DOCK10: variants seen among roughly 807,000 people sequenced by gnomAD.
DOCK10 encodes the protein dedicator of cytokinesis 10, also known as dedicator of cytokinesis protein 10.
A neutral mutation model predicts 280.1 loss-of-function variants in DOCK10; 145 were observed. The observed-to-expected ratio is 0.52, with a 90% CI of 0.45 to 0.59. The LOEUF is 0.59. Ranked by LOEUF, DOCK10 falls within the 20% of genes least tolerant of loss-of-function variation. DOCK10 has a pLI of 0.00. For missense variants in DOCK10, 2,368 were observed against 2,651.7 expected, an observed-to-expected ratio of 0.89 and a Z score of 2.35; for synonymous variants, 915 against 942.2, an observed-to-expected ratio of 0.97 and a Z score of 0.53.
chr2:224,808,414 G>A (rs556338375), intron 31 of DOCK10, among the ~76,000 whole-genome samples: 1 of 152,266 alleles, frequency 6.6e-6, no homozygotes, highest in South Asian at 2.1e-4. Context: ...TATGTTATAA[G>A]TAGGAATCCA....
rs535428861 is a variant in DOCK10 at position 224,765,751 on chromosome 2, C to T, written c.6531G>A (p.Thr2177=). The change falls in exon 56 of 56, where the codon ACG becomes ACA. Residue 2177 remains threonine (T), a synonymous_variant. Transcript: ENST00000258390. ...VISKATPALP[T]VSISSSAEV ...CTTCAGCACTAGATGAGATGGAGACCGTGGGTAGGGCCGGAGTTGCTTTGC... is the reference window on the plus strand; with the variant it reads ...CTTCAGCACTAGATGAGATGGAGACTGTGGGTAGGGCCGGAGTTGCTTTGC... 13 of 1,613,748 alleles carry T rather than the reference C, an allele frequency of 8.1e-6. No individual in the cohort carries two copies. Among genetic ancestry groups the T allele is most frequent in the East Asian group, 6.7e-5 (3 of 44,866 alleles).
chr2:224,821,524 CT>C (rs373539554), intron 28 of DOCK10, among the ~76,000 whole-genome samples: 110 of 151,986 alleles, frequency 7.2e-4, no homozygotes, highest in Middle Eastern at 3.4e-3. Context: ...CTTTTCCTTT[CT>C]TTTTTTTCTC....
chr2:224,770,202 A>G lies in DOCK10; in HGVS notation c.6444+9T>C. 1.9e-6 allele frequency: 3 copies of G among 1,544,788 alleles called. No individual in the cohort carries two copies. The highest frequency in any genetic ancestry group is 2.6e-6 in the Non-Finnish European group (3 of 1,146,016). Reference sequence around the variant, plus strand: ...CACTGATAGCGCGTGTGCACCAAGGAGCGCTCACCTGCTCATTCATGACTG... The same window carrying G: ...CACTGATAGCGCGTGTGCACCAAGGGGCGCTCACCTGCTCATTCATGACTG... On this transcript the variant is annotated intron_variant, in intron 55 of 55. Coordinates refer to ENST00000258390, the MANE Select transcript of DOCK10 (RefSeq NM_014689.3). The surrounding 1 kb of genome is among the most constrained non-coding windows in gnomAD (Gnocchi z 4.5).
intron 1 of DOCK10, among the ~76,000 whole-genome samples, chr2:225,036,157 G>C (rs1038537161): frequency 1.3e-5 from 2 of 152,156 alleles, no homozygotes; most frequent in Non-Finnish European, 2.9e-5. Flanking sequence ...GTACAACCTA[G>C]AGTGAGAACT....
At chr2:224,921,340 G>C (rs866973486) in intron 2 of DOCK10, among the ~76,000 whole-genome samples, 55 of 150,756 alleles carry the variant, frequency 3.6e-4, no homozygotes, top group South Asian at 8.5e-4. Flanking sequence ...TGAACACTTA[G>C]CTAATTTAAG....
At chr2:224,788,102 AG>A (rs1345983477) in intron 48 of DOCK10, among the ~76,000 whole-genome samples, 1 of 152,082 alleles carries the variant, frequency 6.6e-6, no homozygotes, top group African/African-American at 2.4e-5. Context: ...TAAAAAAAAA[AG>A]TTCCCCTTCT....
rs951909743 is a variant in DOCK10, at chr2:224,907,620, G to A, written c.333+9075C>T. Among the ~76,000 whole-genome samples the A allele has an allele frequency of 8.6e-5, 13 of 151,780 alleles. No homozygotes were observed. In the East Asian group the frequency reaches 1.7e-3, roughly 20 times the overall value. The stretch of plus-strand genomic sequence containing the variant: ...GGAGAATGGTGTGAACCAGGGAGGC[G>A]GAGCTTGCAGAGAGCTGAGATTGCG... On this transcript the variant is annotated intron_variant, in intron 3 of 55. Transcript: ENST00000258390.
chr2:224,897,222 T>C (rs1411996614), intron 3 of DOCK10, among the ~76,000 whole-genome samples: 1 of 152,226 alleles, frequency 6.6e-6, no homozygotes, highest in East Asian at 1.9e-4. Flanking sequence ...AGGCACAGTC[T>C]TTCTCTGTGA....
At chr2:224,846,485 A>T (rs1696360878) in intron 19 of DOCK10, among the ~76,000 whole-genome samples, 1 of 148,840 alleles carries the variant, frequency 6.7e-6, no homozygotes, top group Non-Finnish European at 1.5e-5. Flanking sequence ...AGCTCACTGC[A>T]GCCTTGACCT....
intron 43 of DOCK10, among the ~76,000 whole-genome samples, chr2:224,796,705 A>G (rs933896402): frequency 6.6e-6 from 1 of 152,206 alleles, no homozygotes; most frequent in African/African-American, 2.4e-5. Flanking sequence ...GGAGCTAGCC[A>G]TGGTTTCCTG....
At chr2:224,807,600 G>A in intron 33 of DOCK10, 68 bp downstream of exon 33, 1 of 1,097,214 alleles carries the variant, frequency 9.1e-7, no homozygotes, top group Non-Finnish European at 1.3e-6. Flanking sequence ...GTTATCCAGG[G>A]CAAAAAATAA....
rs147151740 is a variant in DOCK10 at position 225,030,688 on chromosome 2, T to C, written c.123+11564A>G. 1.4e-3 allele frequency among the ~76,000 whole-genome samples: 211 copies of C among 152,316 alleles called. 1 individual carries two copies. The highest frequency in any genetic ancestry group is 4.8e-3 in the African/African-American group (201 of 41,564). Reference sequence around the variant, plus strand: ...GCCAATCAAGATTTTGTTTTGTTTCTTTTTAATCTTTGAATAGCCTTTGTG... The same window carrying C: ...GCCAATCAAGATTTTGTTTTGTTTCCTTTTAATCTTTGAATAGCCTTTGTG... On this transcript the variant is annotated intron_variant, in intron 1 of 55. Coordinates refer to ENST00000258390, the MANE Select transcript of DOCK10 (RefSeq NM_014689.3).
intron 13 of DOCK10, 38 bp from the exon 14 acceptor site, chr2:224,862,784 C>T: frequency 1.6e-6 from 2 of 1,283,400 alleles, no homozygotes; most frequent in Non-Finnish European, 2.2e-6. Flanking sequence ...TTTAGAATAG[C>T]ACTTTATAAA....
intron 47 of DOCK10, among the ~76,000 whole-genome samples, chr2:224,790,226 T>G (rs145312660): frequency 9.2e-5 from 14 of 152,312 alleles, no homozygotes; most frequent in Non-Finnish European, 1.8e-4. Context: ...AGAGGAGAGA[T>G]AGATCTGAAT....
At chr2:224,916,635 G>A (rs1701340713) in intron 3 of DOCK10, 60 bp downstream of exon 3, 1 of 1,160,316 alleles carries the variant, frequency 8.6e-7, no homozygotes, top group Admixed American at 2.2e-5. Flanking sequence ...AAATTGCATT[G>A]AGAATCCCCT....
At chr2:224,893,667 A>T (rs1036866123) in intron 4 of DOCK10, 2 of 454,964 alleles carry the variant, frequency 4.4e-6, no homozygotes, top group Non-Finnish European at 9.0e-6. Context: ...AAAATAAAAA[A>T]AGTGAAAATC....
At chr2:224,937,524 T>C (rs184493619) in intron 1 of DOCK10, among the ~76,000 whole-genome samples, 1 of 152,276 alleles carries the variant, frequency 6.6e-6, no homozygotes, top group African/African-American at 2.4e-5. Flanking sequence ...TTTATTAAAA[T>C]AACACTCTGA....
At chr2:225,023,103 T>C (rs531396113) in intron 1 of DOCK10, among the ~76,000 whole-genome samples, 1 of 152,258 alleles carries the variant, frequency 6.6e-6, no homozygotes, top group South Asian at 2.1e-4. Flanking sequence ...TGGCACTATC[T>C]TGGCTCACCG....
chr2:225,023,435 A>C (rs1278513101), intron 1 of DOCK10, among the ~76,000 whole-genome samples: 1 of 152,196 alleles, frequency 6.6e-6, no homozygotes, highest in African/African-American at 2.4e-5. Flanking sequence ...GGGGAAAAAA[A>C]GTGGCCAATA....
Sources: gnomAD v4.1 joint callset for allele counts (sites outside exome capture counted in the v4.1 genomes callset) on GRCh38, gnomAD v4.1.1 for gene constraint, Gnocchi (gnomAD v3.1) non-coding constraint, MANE v1.5 for transcripts, NCBI Gene and HGNC (gene_info 2026-07-23, HGNC 2026-07-21) for gene names.